The following CYP7B1 variants were observed in gnomAD, a reference collection of about 807,000 sequenced individuals.
CYP7B1 encodes cytochrome P450 family 7 subfamily B member 1.
A neutral mutation model predicts 42.7 loss-of-function variants in CYP7B1; 29 were observed. The observed-to-expected ratio is 0.68, with a 90% CI of 0.51 to 0.93. The LOEUF (loss-of-function observed/expected upper bound fraction) is 0.93, where lower values mean the gene tolerates loss of function less well. CYP7B1 is among the 40% of genes least tolerant of loss of function. CYP7B1 has a pLI of 0.00. For missense variants in CYP7B1, 655 were observed against 600.5 expected, an observed-to-expected ratio of 1.09 and a Z score of -0.95; for synonymous variants, 235 against 218.2, an observed-to-expected ratio of 1.08 and a Z score of -0.68.
At chr8:64,665,519 C>T (rs1271259368) in intron 1 of CYP7B1, among the ~76,000 whole-genome samples, 1 of 141,450 alleles carries the variant, frequency 7.1e-6, no homozygotes, top group Non-Finnish European at 1.5e-5. Flanking sequence ...CAAACTGCTT[C>T]ACCTTTAGAG....
intron 1 of CYP7B1, among the ~76,000 whole-genome samples, chr8:64,778,085 T>C (rs899104389): frequency 6.6e-6 from 1 of 151,154 alleles, no homozygotes; most frequent in African/African-American, 2.4e-5. Context: ...TGATTTCATA[T>C]GTTCTAGGAA....
At chr8:64,628,908 T>C (rs1427428096) in intron 1 of CYP7B1, among the ~76,000 whole-genome samples, 2 of 152,074 alleles carry the variant, frequency 1.3e-5, no homozygotes, top group Non-Finnish European at 2.9e-5. Context: ...TAGTGACCTA[T>C]TGCACATTTT....
chr8:64,658,571 A>G (rs1246453712), intron 1 of CYP7B1, among the ~76,000 whole-genome samples: 3 of 152,102 alleles, frequency 2.0e-5, no homozygotes, highest in African/African-American at 7.2e-5. Context: ...CTAGCATTTT[A>G]TCCTTTGCAT....
intron 1 of CYP7B1, among the ~76,000 whole-genome samples, chr8:64,712,304 A>C (rs541052000): frequency 6.6e-6 from 1 of 151,518 alleles, no homozygotes; most frequent in Admixed American, 6.6e-5. Flanking sequence ...AAAACACTTT[A>C]CTGGAACTGG....
At chr8:64,780,339 G>T (rs145420645) in intron 1 of CYP7B1, among the ~76,000 whole-genome samples, 10 of 151,946 alleles carry the variant, frequency 6.6e-5, no homozygotes, top group Non-Finnish European at 1.2e-4. Flanking sequence ...TACTATGCTA[G>T]GTGCTAAAAC....
At chr8:64,657,721 C>T (rs1806142639) in intron 1 of CYP7B1, among the ~76,000 whole-genome samples, 1 of 152,144 alleles carries the variant, frequency 6.6e-6, no homozygotes, top group Admixed American at 6.5e-5. Context: ...ATCCAATCGC[C>T]TCAAAATAAA....
chr8:64,774,033 C>A (rs1006635637), intron 1 of CYP7B1, among the ~76,000 whole-genome samples: 4 of 152,166 alleles, frequency 2.6e-5, no homozygotes, highest in Non-Finnish European at 4.4e-5. Context: ...GCACCTAGTA[C>A]GGTCCTTCAT....
intron 1 of CYP7B1, among the ~76,000 whole-genome samples, chr8:64,706,320 A>G (rs1806998961): frequency 6.6e-6 from 1 of 152,016 alleles, no homozygotes; most frequent in Admixed American, 6.6e-5. Flanking sequence ...GTATAAGGGA[A>G]AACATTTAAA....
chr8:64,624,317 A>C lies in CYP7B1; in HGVS notation c.259+86T>G. ...AAATAAAAATATACAAATATTCTACATTTTGCCTAGAGAAAAACAGAAAGA... is the reference window on the plus strand; with the variant it reads ...AAATAAAAATATACAAATATTCTACCTTTTGCCTAGAGAAAAACAGAAAGA... On this transcript the variant is annotated intron_variant, in intron 2 of 5. Coordinates refer to ENST00000310193, the MANE Select transcript of CYP7B1 (RefSeq NM_004820.5). 3 of 1,270,774 alleles carry C rather than the reference A, an allele frequency of 2.4e-6. No individual in the cohort carries two copies. In the South Asian group the frequency reaches 3.9e-5, roughly 17 times the overall value. The allele number at this position is 1,270,774 out of a possible 1,614,324, so 78.7% of individuals were successfully genotyped here.
At chr8:64,695,173 G>C (rs548236013) in intron 1 of CYP7B1, among the ~76,000 whole-genome samples, 1 of 152,298 alleles carries the variant, frequency 6.6e-6, no homozygotes, top group African/African-American at 2.4e-5. Context: ...CGAGCAGGTG[G>C]TTTCAGCTCA....
intron 4 of CYP7B1, among the ~76,000 whole-genome samples, chr8:64,607,807 T>C (rs1228601504): frequency 1.3e-5 from 2 of 152,252 alleles, no homozygotes; most frequent in African/African-American, 4.8e-5. Flanking sequence ...TTGTGTATAA[T>C]GGATTGTTAA....
chr8:64,624,411 AG>A lies in CYP7B1; in HGVS notation c.250del (p.Leu84PhefsTer7), dbSNP rs1218240557. 1 of 1,614,008 alleles carries A rather than the reference AG, an allele frequency of 6.2e-7. No individual in the cohort carries two copies. Among genetic ancestry groups the A allele is most frequent in the Non-Finnish European group, 8.5e-7 (1 of 1,179,952 alleles). ...ATAGAAGTGCTTCTTACCACCAAGA[AG>A]AACTGTGAAAGTGTCACCATGTTGC... ...QKQHGDTFTV[L>X]LGGKYITFIL... On this transcript the variant is annotated frameshift_variant, in exon 2 of 6. Transcript: ENST00000310193. LOFTEE classifies it high-confidence loss of function.
At chr8:64,587,778 C>T (rs1382959622), downstream of CYP7B1, 1 of 152,148 alleles carries the variant, frequency 6.6e-6, no homozygotes, top group Non-Finnish European at 1.5e-5. Flanking sequence ...GTAGGCAGTA[C>T]AGAAGTACAG....
intron 1 of CYP7B1, among the ~76,000 whole-genome samples, chr8:64,693,973 A>T (rs1449041257): frequency 6.6e-6 from 1 of 152,250 alleles, no homozygotes; most frequent in East Asian, 1.9e-4. Flanking sequence ...CTTGATTCCC[A>T]GACCAGTGTG....
Position 64,616,049 on chromosome 8 carries a change from A to G in CYP7B1, c.492T>C (p.Val164=). Residue 164 remains valine, a synonymous_variant, in exon 3 of 6, where the codon GTT becomes GTC. Coordinates refer to ENST00000310193, the MANE Select transcript of CYP7B1 (RefSeq NM_004820.5). The part of the protein sequence containing the change: ...LESMMQNLKQ[V]FEPQLLKTTS... ...TGGTTTTTAACAGCTGGGGTTCAAA[A>G]ACTTGTTTTAGATTCTGCATCATGC... 1 of 1,613,714 alleles carries G rather than the reference A, an allele frequency of 6.2e-7. No individual in the cohort carries two copies. Among genetic ancestry groups the G allele is most frequent in the Admixed American group, 1.7e-5 (1 of 59,926 alleles).
chr8:64,648,279 C>T (rs558331638), intron 1 of CYP7B1, among the ~76,000 whole-genome samples: 1 of 152,252 alleles, frequency 6.6e-6, no homozygotes, highest in South Asian at 2.1e-4. Context: ...TATTCCTTGT[C>T]ATAATTCGCC....
intron 1 of CYP7B1, among the ~76,000 whole-genome samples, chr8:64,711,038 C>A (rs1405249531): frequency 1.3e-5 from 2 of 152,108 alleles, no homozygotes; most frequent in African/African-American, 4.8e-5. Flanking sequence ...TAGAAACAAG[C>A]ACATTGCAGT....
downstream of CYP7B1, among the ~76,000 whole-genome samples, chr8:64,587,200 C>A (rs975820699): frequency 6.6e-6 from 1 of 152,164 alleles, no homozygotes; most frequent in Non-Finnish European, 1.5e-5. Flanking sequence ...GACGTCCACG[C>A]AGCACTCGCG....
chr8:64,618,889 T>C (rs1805487714), intron 2 of CYP7B1, among the ~76,000 whole-genome samples: 1 of 152,166 alleles, frequency 6.6e-6, no homozygotes, highest in Admixed American at 6.5e-5. Flanking sequence ...GGATCTGTAT[T>C]TTCTCTTTCT....
Sources: allele counts gnomAD v4.1 joint callset (sites outside exome capture counted in the v4.1 genomes callset), GRCh38; gene constraint gnomAD v4.1.1; transcripts MANE v1.5; gene names NCBI Gene and HGNC (gene_info 2026-07-23, HGNC 2026-07-21).